Variants in AARSD1 observed in about 807,000 individuals in gnomAD.
AARSD1 encodes the protein alanyl-tRNA synthetase domain containing 1, also known as alanyl-tRNA editing protein Aarsd1.
Under a neutral mutation model 48.7 loss-of-function variants are expected in AARSD1, and 44 were observed. The ratio of observed to expected loss-of-function variants is 0.90; its 90% CI spans 0.71 to 1.16. The LOEUF (loss-of-function observed/expected upper bound fraction) is 1.16. Ranked by LOEUF, AARSD1 falls within the 50% of genes most tolerant of loss-of-function variation. The pLI is 0.00. For missense variants in AARSD1, 511 were observed against 523.1 expected (o/e 0.98, Z 0.23); for synonymous variants, 189 against 194.9 (o/e 0.97, Z 0.25).
intron 11 of AARSD1, 98 bp from the exon 12 acceptor site, chr17:42,950,826 TAAG>T (rs1287719770): frequency 8.0e-6 from 12 of 1,490,830 alleles, no homozygotes; most frequent in South Asian, 1.4e-5. Flanking sequence ...GGGAGAGGGA[TAAG>T]AAGAGTAGAT....
chr17:42,963,021 T>C (rs910087544), intron 2 of AARSD1, among the ~76,000 whole-genome samples: 1 of 151,788 alleles, frequency 6.6e-6, no homozygotes, highest in African/African-American at 2.4e-5. Context: ...AGATCCTGTC[T>C]CTTAAAAATA....
chr17:42,957,311 A>T (rs190778833), intron 3 of AARSD1, 116 bp from the exon 4 acceptor site: 1 of 1,332,714 alleles, frequency 7.5e-7, no homozygotes, highest in African/African-American at 1.4e-5. Flanking sequence ...AAGACCTGCT[A>T]AGCACTGGGT....
chr17:42,952,683 CA>C (rs978625330), intron 10 of AARSD1, among the ~76,000 whole-genome samples: 9 of 151,858 alleles, frequency 5.9e-5, no homozygotes, highest in Admixed American at 5.9e-4. Flanking sequence ...AAAAAACAAA[CA>C]AACAAACAAA....
intron 3 of AARSD1, among the ~76,000 whole-genome samples, chr17:42,959,474 C>A (rs192275744): frequency 2.0e-5 from 3 of 151,552 alleles, no homozygotes; most frequent in South Asian, 2.1e-4. Context: ...ATGATCTGTC[C>A]GACTTGGCCT....
Position 42,955,321 on chromosome 17 carries a change from C to T in AARSD1, c.795-97G>A, listed in dbSNP as rs2049533492. Reference sequence around the variant, plus strand: ...AATTTCCTTCTTGCTATGGTGCCTCCCTGCAGTCAGGGACCAGGAGATATT... The same window carrying T: ...AATTTCCTTCTTGCTATGGTGCCTCTCTGCAGTCAGGGACCAGGAGATATT... On this transcript the variant is annotated intron_variant, in intron 7 of 11. Coordinates refer to ENST00000427569, the MANE Select transcript of AARSD1 (RefSeq NM_001261434.2). 5.4e-6 allele frequency: 8 copies of T among 1,473,426 alleles called. No homozygotes were observed. In the South Asian group the frequency reaches 9.7e-5, roughly 18 times the overall value. 91.3% of individuals were successfully genotyped at this position (1,473,426 alleles called of 1,614,324 possible).
At position 42,956,567 on chromosome 17, in the gene AARSD1, G is replaced by C; in HGVS notation, c.390-7C>G. The C allele has an allele frequency of 6.3e-7, 1 of 1,585,924 alleles. No homozygotes were observed. Among genetic ancestry groups the C allele is most frequent in the Non-Finnish European group, 8.6e-7 (1 of 1,163,878 alleles). ...CCGAAATCTCCCTAACTCCCTGTCA[G>C]AAGTACAGTGGCCACAGATAACATA... On this transcript the variant is annotated splice_polypyrimidine_tract_variant and splice_region_variant and intron_variant, in intron 4 of 11. Coordinates refer to ENST00000427569, the MANE Select transcript of AARSD1 (RefSeq NM_001261434.2).
chr17:42,963,203 C>T (rs925527373), intron 2 of AARSD1, among the ~76,000 whole-genome samples: 2 of 151,296 alleles, frequency 1.3e-5, no homozygotes, highest in Admixed American at 1.3e-4. Context: ...GCCTCAGCCT[C>T]CCGAGTAGCT....
At position 42,956,562 on chromosome 17, in the gene AARSD1, T is replaced by G. The variant is rs2049555934; in HGVS notation, c.390-2A>C. ...GCACTCCGAAATCTCCCTAACTCCC[T>G]GTCAGAAGTACAGTGGCCACAGATA... is the stretch of plus-strand genomic sequence containing the variant. On this transcript the variant is annotated splice_acceptor_variant, in intron 4 of 11. Transcript: ENST00000427569. LOFTEE classifies it high-confidence loss of function. 1 of 1,605,736 alleles carries G rather than the reference T, an allele frequency of 6.2e-7. No homozygotes were observed. The highest frequency in any genetic ancestry group is 2.2e-5 in the East Asian group (1 of 44,672).
At chr17:42,952,239 C>T (rs375204849) in intron 10 of AARSD1, 99 of 311,732 alleles carry the variant, frequency 3.2e-4, no homozygotes, top group South Asian at 3.1e-3. Flanking sequence ...TCTGCCTGGC[C>T]GCCTCTGCCC....
At chr17:42,953,588 A>G in intron 10 of AARSD1, 136 bp downstream of exon 10, 1 of 1,134,262 alleles carries the variant, frequency 8.8e-7, no homozygotes, top group Middle Eastern at 2.0e-4. Context: ...GTACTAAGAA[A>G]ACAGTATTGA....
chr17:42,954,282 G>T (rs1567715191), intron 9 of AARSD1, among the ~76,000 whole-genome samples: 1 of 152,044 alleles, frequency 6.6e-6, no homozygotes, highest in Non-Finnish European at 1.5e-5. Flanking sequence ...CTTGGACCCA[G>T]GAGGCACAGG....
chr17:42,955,227 G>A lies in AARSD1; in HGVS notation c.795-3C>T, dbSNP rs923371834. 2 of 1,613,628 alleles carry A rather than the reference G, an allele frequency of 1.2e-6. No homozygotes were observed. Among genetic ancestry groups the A allele is most frequent in the Non-Finnish European group, 8.5e-7 (1 of 1,179,968 alleles). ...CCACATGATCCTCTGCTCCACACCT[G>A]AAAGAGAAAGGTCAGAGGAGACCTG... On this transcript the variant is annotated splice_region_variant and splice_polypyrimidine_tract_variant and intron_variant, in intron 7 of 11. Coordinates refer to ENST00000427569, the MANE Select transcript of AARSD1 (RefSeq NM_001261434.2).
At chr17:42,955,531 C>T (rs1030369918) in intron 7 of AARSD1, 9 of 446,236 alleles carry the variant, frequency 2.0e-5, no homozygotes, top group South Asian at 2.4e-5. Context: ...CTCCACCTCC[C>T]GGGTTCACGC....
In AARSD1 at chr17:42,956,328, C is replaced by G; in HGVS notation, c.547-8G>C. ...CAAACCCCGGCCACTCACCTGGACT[C>G]AAGGAGAGGGGAGGGACTGTCTGAA... On this transcript the variant is annotated splice_polypyrimidine_tract_variant and splice_region_variant and intron_variant, in intron 5 of 11. Coordinates refer to ENST00000427569, the MANE Select transcript of AARSD1 (RefSeq NM_001261434.2). 1 of 1,614,166 alleles carries G rather than the reference C, an allele frequency of 6.2e-7. No homozygotes were observed. Among genetic ancestry groups the G allele is most frequent in the Non-Finnish European group, 8.5e-7 (1 of 1,180,026 alleles).
At chr17:42,951,576 A>G (rs1354186282) in intron 11 of AARSD1, among the ~76,000 whole-genome samples, 2 of 152,138 alleles carry the variant, frequency 1.3e-5, no homozygotes, top group Non-Finnish European at 2.9e-5. Context: ...CACATTTCAT[A>G]AAAACAAAAA....
chr17:42,960,958 G>C, intron 3 of AARSD1: 2 of 582,220 alleles, frequency 3.4e-6, no homozygotes, highest in South Asian at 6.4e-5. Context: ...GAGATATCGA[G>C]TGGGAAGTTG....
At chr17:42,964,306 C>G in intron 1 of AARSD1, 69 bp from the exon 2 acceptor site, 6 of 1,608,856 alleles carry the variant, frequency 3.7e-6, no homozygotes, top group Non-Finnish European at 5.1e-6. Context: ...CACACCAGGA[C>G]AGAATGCCAT....
Position 42,955,823 on chromosome 17 carries a change from G to A in AARSD1, c.794+19C>T. The A allele has an allele frequency of 6.2e-7, 1 of 1,613,738 alleles. No individual in the cohort carries two copies. The highest frequency in any genetic ancestry group is 2.2e-5 in the East Asian group (1 of 44,876). On this transcript the variant is annotated intron_variant, in intron 7 of 11. Transcript: ENST00000427569. ...ATCTCAGAAATGGGAGGTAATCGAA[G>A]GTACTGAAACAGGCATACTTAAGCA...
chr17:42,955,953 G>A lies in AARSD1; in HGVS notation c.683C>T (p.Thr228Ile), dbSNP rs2049544217. The A allele has an allele frequency of 3.2e-5, 52 of 1,613,962 alleles. No individual in the cohort carries two copies. Among genetic ancestry groups the A allele is most frequent in the Non-Finnish European group, 4.4e-5 (52 of 1,180,014 alleles). Residue 228 changes from threonine to isoleucine, a missense_variant, in exon 7 of 12, where the codon ACT (threonine) becomes ATT (isoleucine). By Grantham distance (89) the Thr-to-Ile change is moderately conservative. Coordinates refer to ENST00000427569, the MANE Select transcript of AARSD1 (RefSeq NM_001261434.2). ...SDLQVIKILGTEKGKKNRTNL... is the reference protein window; with the variant it reads ...SDLQVIKILGIEKGKKNRTNL... ...GGTTCTGTTCTTTTTCCCCTTCTCA[G>A]TGCCCAGAATCTTAATGACCTACAT...
Sources: allele counts gnomAD v4.1 joint callset (sites outside exome capture counted in the v4.1 genomes callset), GRCh38; gene constraint gnomAD v4.1.1; transcripts MANE v1.5; gene names NCBI Gene and HGNC (gene_info 2026-07-23, HGNC 2026-07-21).